CACNA1E: variants seen among roughly 807,000 people sequenced by gnomAD.
CACNA1E encodes voltage-dependent R-type calcium channel subunit alpha-1E.
A neutral mutation model predicts 259.2 loss-of-function variants in CACNA1E; 40 were observed. That is an observed-to-expected ratio of 0.15 (90% CI 0.12 to 0.20). The LOEUF (loss-of-function observed/expected upper bound fraction) is 0.20, where lower values mean the gene tolerates loss of function less well. Among genes scored for constraint, CACNA1E ranks in the 10% least tolerant of loss-of-function variants. The pLI is 1.00. For synonymous variants in CACNA1E, 1,104 were observed against 1,138.5 expected (o/e 0.97, Z 0.61); for missense variants, 1,874 against 3,040.1 (o/e 0.62, Z 9.02).
intron 6 of CACNA1E, among the ~76,000 whole-genome samples, chr1:181,620,578 G>T (rs144235355): frequency 6.6e-6 from 1 of 152,150 alleles, no homozygotes; most frequent in Non-Finnish European, 1.5e-5. Context: ...TTTCCAAGGA[G>T]CCCCAAATGG....
At chr1:181,541,027 C>T (rs1350431806) in intron 3 of CACNA1E, among the ~76,000 whole-genome samples, 1 of 151,944 alleles carries the variant, frequency 6.6e-6, no homozygotes, top group Non-Finnish European at 1.5e-5. Context: ...ATGAATATTC[C>T]CAAATCAAAG....
At chr1:181,506,686 G>A (rs1198574776) in intron 1 of CACNA1E, among the ~76,000 whole-genome samples, 1 of 152,234 alleles carries the variant, frequency 6.6e-6, no homozygotes, top group African/African-American at 2.4e-5. Flanking sequence ...TGGTCTTGAT[G>A]TATGACTGGA....
At chr1:181,566,942 G>A (rs1412181969) in intron 3 of CACNA1E, among the ~76,000 whole-genome samples, 1 of 151,970 alleles carries the variant, frequency 6.6e-6, no homozygotes, top group Admixed American at 6.6e-5. Flanking sequence ...GGTTGCCACA[G>A]GTATCTAGTG....
intron 6 of CACNA1E, among the ~76,000 whole-genome samples, chr1:181,596,962 TGGA>T (rs1653237555): frequency 6.6e-6 from 1 of 151,966 alleles, no homozygotes; most frequent in South Asian, 2.1e-4. Flanking sequence ...AATAGGGATG[TGGA>T]GGAGAAGGGG....
At chr1:181,574,113 C>G (rs375672421) in intron 3 of CACNA1E, among the ~76,000 whole-genome samples, 1 of 152,240 alleles carries the variant, frequency 6.6e-6, no homozygotes, top group South Asian at 2.1e-4. Flanking sequence ...ACAACACACA[C>G]TGGGGCCTCT....
In CACNA1E at chr1:181,511,475, C is replaced by A. The variant is rs1666158462; in HGVS notation, c.477C>A (p.Gly159=). 6.2e-7 allele frequency: 1 copy of A among 1,613,822 alleles called. No individual in the cohort carries two copies. The highest frequency in any genetic ancestry group is 1.3e-5 in the African/African-American group (1 of 74,912). ...ATAAGGGCTCTTACCTCCGCAATGG[C>A]TGGAATGTCATGGACTTCATCGTGG... The part of the protein sequence containing the change: ...IFHKGSYLRN[G]WNVMDFIVVL... The change falls in exon 3 of 48, where the codon GGC becomes GGA. Residue 159 remains glycine (G), a synonymous_variant. Coordinates refer to ENST00000367573, the MANE Select transcript of CACNA1E (RefSeq NM_001205293.3).
At chr1:181,705,866 G>A (rs1222522021) in intron 7 of CACNA1E, among the ~76,000 whole-genome samples, 1 of 152,168 alleles carries the variant, frequency 6.6e-6, no homozygotes, top group African/African-American at 2.4e-5. Context: ...ACAGCAAGGT[G>A]ACTGTCCAGT....
At chr1:181,503,140 G>A (rs931485839) in intron 1 of CACNA1E, among the ~76,000 whole-genome samples, 6 of 152,230 alleles carry the variant, frequency 3.9e-5, no homozygotes, top group South Asian at 2.1e-4. Context: ...TGAAGTGATG[G>A]TCATAACTAT....
In CACNA1E at chr1:181,689,155, C is replaced by T. The variant is rs568452979; in HGVS notation, c.1056-21799C>T. Reference sequence around the variant, plus strand: ...CGCCCCCTGATTCCTTGACAGGCCCCGGTGTGTGATGTTCCCCTCCCTGTA... The same window carrying T: ...CGCCCCCTGATTCCTTGACAGGCCCTGGTGTGTGATGTTCCCCTCCCTGTA... On this transcript the variant is annotated intron_variant, in intron 7 of 47. Transcript: ENST00000367573. Among the ~76,000 whole-genome samples, 30 of 152,192 alleles carry T rather than the reference C, an allele frequency of 2.0e-4. 2 individuals are homozygous for T. Among genetic ancestry groups the T allele is most frequent in the Admixed American group, 4.6e-4 (7 of 15,288 alleles).
Position 181,806,956 on chromosome 1 carries a change from G to C in CACNA1E, c.*8122G>C, listed in dbSNP as rs1010216104. On this transcript the variant is annotated 3_prime_UTR_variant, in exon 48 of 48. Transcript: ENST00000367573. ...AGGAGGAATTCAGGAGGCTTTCAAA[G>C]TCCCAAGGACATCCTGGCTCTGAAA... 2.6e-5 allele frequency: 4 copies of C among 152,120 alleles called. No homozygotes were observed. Among genetic ancestry groups the C allele is most frequent in the East Asian group, 3.9e-4 (2 of 5,146 alleles). 9.4% of individuals were successfully genotyped at this position (152,120 alleles called of 1,614,324 possible).
chr1:181,365,574 T>C (rs1229218952), intron 1 of CACNA1E, among the ~76,000 whole-genome samples: 1 of 152,264 alleles, frequency 6.6e-6, no homozygotes, highest in African/African-American at 2.4e-5. Context: ...GTTGTTGTTC[T>C]ACTGAAAAAG....
chr1:181,382,816 G>C (rs1655551365), intron 1 of CACNA1E, among the ~76,000 whole-genome samples: 1 of 152,296 alleles, frequency 6.6e-6, no homozygotes, highest in East Asian at 1.9e-4. Context: ...CAGGTGCTCT[G>C]CTCCAGCTGA....
chr1:181,345,569 T>C (rs1362552889), intron 1 of CACNA1E, among the ~76,000 whole-genome samples: 1 of 152,092 alleles, frequency 6.6e-6, no homozygotes, highest in African/African-American at 2.4e-5. Flanking sequence ...GCAGGGCTGC[T>C]GTTAGAATGT....
At position 181,580,577 on chromosome 1, in the gene CACNA1E, C is replaced by T. The variant is rs748995484; in HGVS notation, c.770-18C>T. ...AACACCATGTGATTTATCTCCTACC[C>T]TCCAAATGTGTCTGCAGGTATTCTA... is the stretch of plus-strand genomic sequence containing the variant. On this transcript the variant is annotated intron_variant, in intron 5 of 47. Transcript: ENST00000367573. 1.2e-5 allele frequency: 19 copies of T among 1,612,704 alleles called. No homozygotes were observed. The South Asian group carries it at 1.9e-4, about 16-fold the overall frequency.
At chr1:181,495,353 C>T (rs973196723) in intron 1 of CACNA1E, among the ~76,000 whole-genome samples, 2 of 152,192 alleles carry the variant, frequency 1.3e-5, no homozygotes, top group African/African-American at 4.8e-5. Flanking sequence ...GTGCCTCAGG[C>T]AACCTGCTTA....
intron 29 of CACNA1E, 127 bp from the exon 30 acceptor site, chr1:181,756,798 C>A (rs973933977): frequency 1.3e-5 from 9 of 681,780 alleles, no homozygotes; most frequent in African/African-American, 5.4e-5. Context: ...GGTTTGGACT[C>A]AAAAAAAATT....
intron 3 of CACNA1E, among the ~76,000 whole-genome samples, chr1:181,553,980 C>G (rs1168258586): frequency 1.3e-5 from 2 of 152,064 alleles, no homozygotes; most frequent in African/African-American, 4.8e-5. Context: ...CTCAAGGTCA[C>G]ACAGGCTCTA....
chr1:181,395,975 G>A (rs1656654504), intron 1 of CACNA1E, among the ~76,000 whole-genome samples: 1 of 152,222 alleles, frequency 6.6e-6, no homozygotes, highest in Non-Finnish European at 1.5e-5. Context: ...GAATCTAGGA[G>A]TTGCTAAGGT....
chr1:181,491,458 T>G (rs1664309080), intron 1 of CACNA1E, among the ~76,000 whole-genome samples: 1 of 152,244 alleles, frequency 6.6e-6, no homozygotes, highest in East Asian at 1.9e-4. Flanking sequence ...GCTGCTGGTC[T>G]TGGACATCAT....
Sources: allele counts gnomAD v4.1 joint callset (sites outside exome capture counted in the v4.1 genomes callset), GRCh38; gene constraint gnomAD v4.1.1; transcripts MANE v1.5; gene names NCBI Gene and HGNC (gene_info 2026-07-23, HGNC 2026-07-21).